Variants in RAD51AP1 observed in about 807,000 individuals in gnomAD.
RAD51AP1 encodes the protein RAD51-associated protein 1.
RAD51AP1 carries 14 observed loss-of-function variants against 34.3 expected under a neutral mutation model. The ratio of observed to expected loss-of-function variants is 0.41; its 90% confidence interval spans 0.27 to 0.64. RAD51AP1 has a LOEUF of 0.64. RAD51AP1 is among the 30% of genes least tolerant of loss of function. RAD51AP1 has a pLI of 0.33. For synonymous variants in RAD51AP1, 114 were observed against 129.8 expected (o/e 0.88, Z 0.83); for missense variants, 348 against 386.9 (o/e 0.90, Z 0.84).
At chr12:4,553,956 C>A (rs1042524517) in intron 7 of RAD51AP1, among the ~76,000 whole-genome samples, 1 of 152,120 alleles carries the variant, frequency 6.6e-6, no homozygotes, top group African/African-American at 2.4e-5. Flanking sequence ...TTGCTGAGTA[C>A]TTACTAAGAA....
At chr12:4,544,239 A>G (rs1376105240) in intron 3 of RAD51AP1, among the ~76,000 whole-genome samples, 1 of 152,208 alleles carries the variant, frequency 6.6e-6, no homozygotes, top group East Asian at 1.9e-4. Context: ...ACTTAAGATG[A>G]TTAAGACACA....
intron 6 of RAD51AP1, among the ~76,000 whole-genome samples, chr12:4,549,927 T>G (rs1202432533): frequency 6.6e-6 from 1 of 152,198 alleles, no homozygotes; most frequent in African/African-American, 2.4e-5. Context: ...ATAGCAGCAT[T>G]ATTCATAATA....
rs7137628 is a variant in RAD51AP1 at position 4,559,144 on chromosome 12, G to A, written c.*151G>A. The A allele has an allele frequency of 3.2e-3, 2,959 of 926,684 alleles. 65 individuals are homozygous for A. In the African/African-American group the frequency reaches 0.044, roughly 14 times the overall value. 57.4% of individuals were successfully genotyped at this position (926,684 alleles called of 1,614,324 possible). The stretch of plus-strand genomic sequence containing the variant: ...TGACCTCTAGCCATTTTATGATTAT[G>A]TTCTCTGTAAAACTCTTCAAGACTT... On this transcript the variant is annotated 3_prime_UTR_variant, in exon 9 of 9. Coordinates refer to ENST00000352618, the MANE Select transcript of RAD51AP1 (RefSeq NM_006479.5).
Position 4,548,675 on chromosome 12 carries a change from C to A in RAD51AP1, c.407-12C>A. 1 of 1,604,170 alleles carries A rather than the reference C, an allele frequency of 6.2e-7. No homozygotes were observed. The highest frequency in any genetic ancestry group is 8.5e-7 in the Non-Finnish European group (1 of 1,173,680). On this transcript the variant is annotated splice_polypyrimidine_tract_variant and intron_variant, in intron 5 of 8. Coordinates refer to ENST00000352618, the MANE Select transcript of RAD51AP1 (RefSeq NM_006479.5). ...AGAAAGTTTTCCATTGATTTTTATG[C>A]CTCTCCTGAAGATTTGGATAAGATT...
At chr12:4,556,709 T>G (rs915216543) in intron 8 of RAD51AP1, among the ~76,000 whole-genome samples, 2 of 152,348 alleles carry the variant, frequency 1.3e-5, no homozygotes, top group Admixed American at 1.3e-4. Context: ...GTGCTATAAA[T>G]AAGATTGCAA....
chr12:4,559,079 G>GA lies in RAD51AP1; in HGVS notation c.*86_*87insA. 6.7e-7 allele frequency: 1 copy of GA among 1,489,344 alleles called. No individual in the cohort carries two copies. Among genetic ancestry groups the GA allele is most frequent in the African/African-American group, 1.4e-5 (1 of 71,928 alleles). The allele number at this position is 1,489,344 out of a possible 1,614,324, so 92.3% of individuals were successfully genotyped here. ...TGATTTGTGTTTATATTTGAGGCAG[G>GA]TATTGTAATATAAAGGAATCCATTA... On this transcript the variant is annotated 3_prime_UTR_variant, in exon 9 of 9. Coordinates refer to ENST00000352618, the MANE Select transcript of RAD51AP1 (RefSeq NM_006479.5).
At chr12:4,539,084 A>G (rs748624100) in intron 1 of RAD51AP1, 128 bp downstream of exon 1, 4 of 1,041,528 alleles carry the variant, frequency 3.8e-6, no homozygotes, top group Non-Finnish European at 5.7e-6. Context: ...GTTATCAAGA[A>G]CCCAGTCTCC....
rs2137300946 is a variant in RAD51AP1, at chr12:4,558,849, C to T, written c.872-8C>T. 6.2e-7 allele frequency: 1 copy of T among 1,608,428 alleles called. No homozygotes were observed. Among genetic ancestry groups the T allele is most frequent in the Non-Finnish European group, 8.5e-7 (1 of 1,175,272 alleles). On this transcript the variant is annotated splice_polypyrimidine_tract_variant and splice_region_variant and intron_variant, in intron 8 of 8. Coordinates refer to ENST00000352618, the MANE Select transcript of RAD51AP1 (RefSeq NM_006479.5). ...ATCATCAGCATCACATCATATGTTTCCTTTCAGCGGCATCTGGAGGTAGCA... is the reference window on the plus strand; with the variant it reads ...ATCATCAGCATCACATCATATGTTTTCTTTCAGCGGCATCTGGAGGTAGCA...
intron 3 of RAD51AP1, 146 bp downstream of exon 3, chr12:4,544,050 A>G (rs917815017): frequency 3.5e-6 from 2 of 564,666 alleles, no homozygotes; most frequent in Non-Finnish European, 5.8e-6. Flanking sequence ...AGGACGTACT[A>G]TTTTTTTCTG....
At chr12:4,551,176 G>C (rs1213212263) in intron 6 of RAD51AP1, among the ~76,000 whole-genome samples, 1 of 152,030 alleles carries the variant, frequency 6.6e-6, no homozygotes, top group Non-Finnish European at 1.5e-5. Flanking sequence ...CTCAAGCCTT[G>C]AGAGCAGAAT....
rs946863606 is a variant in RAD51AP1, at chr12:4,554,224, C to CT, written c.721+1079dup. Among the ~76,000 whole-genome samples the CT allele has an allele frequency of 3.3e-5, 5 of 152,296 alleles. 1 individual carries two copies. Among genetic ancestry groups the CT allele is most frequent in the Admixed American group, 3.3e-4 (5 of 15,288 alleles). On this transcript the variant is annotated intron_variant, in intron 7 of 8. Transcript: ENST00000352618. ...AGCTCCTTGAGGGTGCATTTCTTGGCTTGTGGCCCCTTCCACCTTCAGAGA... is the reference window on the plus strand; with the variant it reads ...AGCTCCTTGAGGGTGCATTTCTTGGCTTTGTGGCCCCTTCCACCTTCAGAGA...
At chr12:4,543,074 T>C (rs1297567022) in intron 2 of RAD51AP1, among the ~76,000 whole-genome samples, 2 of 152,210 alleles carry the variant, frequency 1.3e-5, no homozygotes, top group African/African-American at 4.8e-5. Flanking sequence ...TTTTCTCTTT[T>C]TTTTGAGACG....
intron 3 of RAD51AP1, chr12:4,545,663 T>G (rs1413810984): frequency 6.2e-6 from 6 of 970,730 alleles, no homozygotes; most frequent in Non-Finnish European, 9.1e-6. Flanking sequence ...GTCTTTGACG[T>G]TTTCTTCCTC....
intron 6 of RAD51AP1, among the ~76,000 whole-genome samples, chr12:4,552,263 C>CA (rs1214324264): frequency 6.6e-6 from 1 of 152,154 alleles, no homozygotes; most frequent in Non-Finnish European, 1.5e-5. Context: ...CTAACCCCCT[C>CA]AAAAAATAGA....
intron 8 of RAD51AP1, 38 bp downstream of exon 8, chr12:4,556,540 A>T (rs2137293952): frequency 6.3e-7 from 1 of 1,587,182 alleles, no homozygotes; most frequent in Middle Eastern, 1.7e-4. Flanking sequence ...GAGCTTGGAA[A>T]ATTATCACTG....
chr12:4,540,649 T>G (rs1944460062), intron 1 of RAD51AP1, among the ~76,000 whole-genome samples: 1 of 152,222 alleles, frequency 6.6e-6, no homozygotes, highest in Non-Finnish European at 1.5e-5. Flanking sequence ...AGTATACTAA[T>G]TAAAAATAGG....
chr12:4,556,178 C>G (rs1274658467), intron 7 of RAD51AP1, among the ~76,000 whole-genome samples, 175 bp from the exon 8 acceptor site: 1 of 152,132 alleles, frequency 6.6e-6, no homozygotes, highest in East Asian at 1.9e-4. Flanking sequence ...TACCACACTG[C>G]CTGGCATATT....
chr12:4,549,130 C>G (rs975528584), intron 6 of RAD51AP1, among the ~76,000 whole-genome samples: 2 of 152,184 alleles, frequency 1.3e-5, no homozygotes, highest in African/African-American at 2.4e-5. Flanking sequence ...CTATTTGTCT[C>G]TAACTGAGGC....
intron 7 of RAD51AP1, among the ~76,000 whole-genome samples, chr12:4,554,921 T>A (rs1944571736): frequency 6.6e-6 from 1 of 152,216 alleles, no homozygotes; most frequent in Admixed American, 6.5e-5. Flanking sequence ...AATCAGTTCC[T>A]CAGTTTTGCA....
Sources: allele counts gnomAD v4.1 joint callset (sites outside exome capture counted in the v4.1 genomes callset), GRCh38; gene constraint gnomAD v4.1.1; transcripts MANE v1.5; gene names NCBI Gene and HGNC (gene_info 2026-07-23, HGNC 2026-07-21).